Variants in CACNA2D3 observed in about 807,000 individuals in gnomAD.
CACNA2D3 encodes calcium voltage-gated channel auxiliary subunit alpha2delta 3.
A neutral mutation model predicts 160.6 loss-of-function variants in CACNA2D3; 60 were observed. The observed-to-expected ratio is 0.37, with a 90% confidence interval of 0.30 to 0.46. The LOEUF is 0.46. CACNA2D3 is among the 20% of genes least tolerant of loss of function. CACNA2D3 has a pLI of 1.00. For missense variants in CACNA2D3, 1,205 were observed against 1,365.0 expected (o/e 0.88, Z 1.85); for synonymous variants, 558 against 492.9 (o/e 1.13, Z -1.75).
At chr3:54,694,747 C>A (rs1198231541) in intron 11 of CACNA2D3, among the ~76,000 whole-genome samples, 1 of 152,168 alleles carries the variant, frequency 6.6e-6, no homozygotes, top group African/African-American at 2.4e-5. Flanking sequence ...CACATGCTTA[C>A]CCCCTCCTCT....
At chr3:55,021,665 GTA>G (rs1234588541) in intron 35 of CACNA2D3, among the ~76,000 whole-genome samples, 11 of 140,360 alleles carry the variant, frequency 7.8e-5, no homozygotes, top group South Asian at 2.2e-4. Context: ...ATATGTGTGT[GTA>G]TATATATATG....
chr3:55,055,727 A>G (rs932432520), intron 35 of CACNA2D3, among the ~76,000 whole-genome samples: 1 of 152,024 alleles, frequency 6.6e-6, no homozygotes, highest in African/African-American at 2.4e-5. Context: ...TCTTTCATCA[A>G]TGTTTAATAG....
intron 27 of CACNA2D3, among the ~76,000 whole-genome samples, chr3:54,953,477 C>G (rs1488312278): frequency 1.3e-5 from 2 of 152,174 alleles, no homozygotes; most frequent in Non-Finnish European, 2.9e-5. Context: ...TGGGACGCAG[C>G]TGAAGCCTTC....
chr3:54,350,966 C>CGGTTTTTTTTTTTTTTTTTTTTTTTTT (rs1559457706), intron 3 of CACNA2D3, among the ~76,000 whole-genome samples: 3 of 63,286 alleles, frequency 4.7e-5, no homozygotes, highest in Non-Finnish European at 7.2e-5. Context: ...GATCTTGAGT[C>CGGTTTTTTTTTTTTTTTTTTTTTTTTT]TGTTTTTTTT....
At chr3:54,817,517 G>A (rs1012567295) in intron 14 of CACNA2D3, among the ~76,000 whole-genome samples, 5 of 152,154 alleles carry the variant, frequency 3.3e-5, no homozygotes, top group Admixed American at 6.6e-5. Context: ...TGTATCCTAA[G>A]GACATTTATG....
chr3:54,193,973 G>GA (rs1701026881), intron 2 of CACNA2D3, among the ~76,000 whole-genome samples: 1 of 152,068 alleles, frequency 6.6e-6, no homozygotes, highest in African/African-American at 2.4e-5. Flanking sequence ...GAAGCTGTCA[G>GA]AAAAACAAAT....
intron 29 of CACNA2D3, among the ~76,000 whole-genome samples, chr3:54,980,513 T>G (rs1702483790): frequency 1.3e-5 from 2 of 152,364 alleles, no homozygotes; most frequent in Admixed American, 6.5e-5. Flanking sequence ...TCTACTTTTC[T>G]TACACACCTT....
chr3:54,974,730 C>A (rs533848437), intron 29 of CACNA2D3, among the ~76,000 whole-genome samples: 1 of 152,344 alleles, frequency 6.6e-6, no homozygotes, highest in African/African-American at 2.4e-5. Context: ...TTTTTAAAAA[C>A]AACCTCATCC....
At chr3:54,926,764 G>A (rs1216795566) in intron 27 of CACNA2D3, among the ~76,000 whole-genome samples, 1 of 152,118 alleles carries the variant, frequency 6.6e-6, no homozygotes, top group African/African-American at 2.4e-5. Flanking sequence ...AGGGGTAGTT[G>A]AACGGTTGCA....
chr3:54,444,090 C>G (rs1000066867), intron 4 of CACNA2D3, among the ~76,000 whole-genome samples: 3 of 152,078 alleles, frequency 2.0e-5, no homozygotes, highest in Non-Finnish European at 4.4e-5. Context: ...GGTATGACAC[C>G]GCATTTCCCC....
intron 35 of CACNA2D3, among the ~76,000 whole-genome samples, chr3:55,029,578 T>A (rs1703645919): frequency 1.3e-5 from 2 of 151,970 alleles, no homozygotes; most frequent in Non-Finnish European, 1.5e-5. Flanking sequence ...GTGAGGTTTT[T>A]TTTGCTCTGA....
intron 5 of CACNA2D3, among the ~76,000 whole-genome samples, chr3:54,513,664 G>A (rs1382011714): frequency 6.6e-6 from 1 of 151,098 alleles, no homozygotes; most frequent in African/African-American, 2.5e-5. Flanking sequence ...GCTATGTCAT[G>A]CCTGTTTTTG....
intron 2 of CACNA2D3, among the ~76,000 whole-genome samples, chr3:54,206,782 G>A (rs917277692): frequency 1.3e-5 from 2 of 152,124 alleles, no homozygotes; most frequent in Non-Finnish European, 2.9e-5. Flanking sequence ...TCTGATAAAT[G>A]AAGATTCATA....
chr3:54,909,825 C>T (rs1403520818), intron 27 of CACNA2D3, among the ~76,000 whole-genome samples: 1 of 152,030 alleles, frequency 6.6e-6, no homozygotes, highest in Non-Finnish European at 1.5e-5. Context: ...TAAAGGGAGA[C>T]TTCAAGGAGA....
intron 4 of CACNA2D3, among the ~76,000 whole-genome samples, chr3:54,486,016 G>A (rs1379643150): frequency 1.3e-5 from 2 of 152,288 alleles, no homozygotes; most frequent in African/African-American, 2.4e-5. Flanking sequence ...GGAATTGCAC[G>A]AAAAATTTCA....
At chr3:54,473,985 T>G (rs1349808068) in intron 4 of CACNA2D3, among the ~76,000 whole-genome samples, 1 of 152,204 alleles carries the variant, frequency 6.6e-6, no homozygotes, top group Non-Finnish European at 1.5e-5. Flanking sequence ...TGGAAGACAG[T>G]GTGGTTATTC....
At chr3:54,932,483 C>G (rs904677197) in intron 27 of CACNA2D3, among the ~76,000 whole-genome samples, 1 of 152,144 alleles carries the variant, frequency 6.6e-6, no homozygotes, top group Non-Finnish European at 1.5e-5. Flanking sequence ...TCTGTATATT[C>G]AACTCGCTAC....
chr3:55,059,135 T>C (rs1032807119), intron 35 of CACNA2D3, among the ~76,000 whole-genome samples: 2 of 152,220 alleles, frequency 1.3e-5, no homozygotes, highest in African/African-American at 4.8e-5. Context: ...TTCTTTATAC[T>C]TTTAAAGTGT....
chr3:54,465,234 G>A (rs1700599705), intron 4 of CACNA2D3, among the ~76,000 whole-genome samples: 1 of 151,516 alleles, frequency 6.6e-6, no homozygotes, highest in African/African-American at 2.4e-5. Context: ...GTTTCCTTCA[G>A]ATCATGTATT....
Sources: gnomAD v4.1 joint callset for allele counts (sites outside exome capture counted in the v4.1 genomes callset) on GRCh38, gnomAD v4.1.1 for gene constraint, MANE v1.5 for transcripts, NCBI Gene and HGNC (gene_info 2026-07-23, HGNC 2026-07-21) for gene names.